PRKG1: variants seen among roughly 807,000 people sequenced by gnomAD.
PRKG1 encodes cGMP-dependent protein kinase 1.
In PRKG1, 35 loss-of-function variants were observed where a neutral mutation model predicts 88.1. The ratio of observed to expected loss-of-function variants is 0.40; its 90% CI spans 0.30 to 0.53. The LOEUF (loss-of-function observed/expected upper bound fraction) is 0.53. Ranked by LOEUF, PRKG1 falls within the 20% of genes least tolerant of loss-of-function variation. PRKG1 has a pLI of 0.59. For synonymous variants in PRKG1, 303 were observed against 292.5 expected (o/e 1.04, Z -0.37); for missense variants, 540 against 839.8 (o/e 0.64, Z 4.41).
At chr10:51,156,296 A>AGC (rs1564620843) in intron 2 of PRKG1, among the ~76,000 whole-genome samples, 4 of 49,060 alleles carry the variant, frequency 8.2e-5, no homozygotes, top group Non-Finnish European at 1.7e-4. Context: ...ATTTGATGCA[A>AGC]GCACACACAC....
chr10:52,207,068 A>C (rs964051939), intron 9 of PRKG1, among the ~76,000 whole-genome samples: 2 of 152,196 alleles, frequency 1.3e-5, no homozygotes, highest in African/African-American at 2.4e-5. Flanking sequence ...CACTTACCCC[A>C]GTAGTGGCAG....
intron 1 of PRKG1, among the ~76,000 whole-genome samples, chr10:51,078,648 G>T (rs578196213): frequency 6.8e-6 from 1 of 147,550 alleles, no homozygotes; most frequent in Non-Finnish European, 1.5e-5. Flanking sequence ...ACGGAGTCTC[G>T]CTCTATCGCC....
At chr10:51,450,578 T>C (rs1300472706) in intron 2 of PRKG1, among the ~76,000 whole-genome samples, 3 of 152,024 alleles carry the variant, frequency 2.0e-5, no homozygotes, top group Non-Finnish European at 4.4e-5. Context: ...TTCTCTCTCT[T>C]AGGCAAATTC....
intron 5 of PRKG1, among the ~76,000 whole-genome samples, chr10:51,980,691 A>G (rs142280761): frequency 8.5e-5 from 13 of 152,302 alleles, no homozygotes; most frequent in African/African-American, 3.1e-4. Context: ...TATATTTAGG[A>G]TAGTTAGGTC....
intron 2 of PRKG1, among the ~76,000 whole-genome samples, chr10:51,340,672 T>C (rs1182610443): frequency 2.6e-5 from 4 of 152,198 alleles, no homozygotes; most frequent in African/African-American, 9.6e-5. Flanking sequence ...CATCATTTCA[T>C]GAAAGCTATC....
intron 1 of PRKG1, among the ~76,000 whole-genome samples, chr10:51,082,696 T>G (rs1173257714): frequency 6.6e-6 from 1 of 151,482 alleles, no homozygotes; most frequent in African/African-American, 2.4e-5. Context: ...CTTTAAGCAC[T>G]AGGGGCCTGC....
chr10:51,972,635 T>C (rs993087618), intron 5 of PRKG1, among the ~76,000 whole-genome samples: 2 of 152,204 alleles, frequency 1.3e-5, no homozygotes, highest in African/African-American at 4.8e-5. Context: ...ATCTACATTT[T>C]CATCTGCTTT....
At chr10:51,752,078 A>G (rs141873009) in intron 3 of PRKG1, among the ~76,000 whole-genome samples, 542 of 152,268 alleles carry the variant, frequency 3.6e-3, no homozygotes, top group Non-Finnish European at 6.5e-3. Context: ...ACTCCCACAC[A>G]GTTTGGAATG....
intron 3 of PRKG1, among the ~76,000 whole-genome samples, chr10:51,627,081 A>G (rs1396362437): frequency 6.6e-6 from 1 of 152,184 alleles, no homozygotes; most frequent in African/African-American, 2.4e-5. Context: ...AAAAGGAAGC[A>G]AGGTAGGGCA....
At chr10:51,751,968 C>T (rs972301380) in intron 3 of PRKG1, among the ~76,000 whole-genome samples, 3 of 152,164 alleles carry the variant, frequency 2.0e-5, no homozygotes, top group Non-Finnish European at 2.9e-5. Flanking sequence ...TTATCTTTTA[C>T]GTGCATGCTG....
chr10:50,995,080 G>T (rs1315552946), intron 1 of PRKG1, among the ~76,000 whole-genome samples: 2 of 152,066 alleles, frequency 1.3e-5, no homozygotes, highest in Non-Finnish European at 2.9e-5. Context: ...GGATGACTCT[G>T]TAGGAATTTT....
chr10:52,253,982 A>C lies in PRKG1; in HGVS notation c.1173+2316A>C, dbSNP rs78913223. 9.8e-3 allele frequency among the ~76,000 whole-genome samples: 1,497 copies of C among 152,098 alleles called. 29 individuals carry two copies. The highest frequency in any genetic ancestry group is 0.034 in the African/African-American group (1,429 of 41,538). On this transcript the variant is annotated intron_variant, in intron 10 of 17. Transcript: ENST00000373980. ...AGTATTCAATGTGGACCAGCCACTT[A>C]AGTGATCACTAATACCTTATTTTCC...
chr10:51,159,553 CAAAT>C (rs907586280), intron 2 of PRKG1, among the ~76,000 whole-genome samples: 18 of 152,004 alleles, frequency 1.2e-4, no homozygotes, highest in Admixed American at 7.2e-4. Context: ...GAGGTTATCA[CAAAT>C]AAGGAGAGTC....
rs772039924 is a variant in PRKG1, at chr10:51,698,501, TCCA to T, written c.593-106082_593-106080del. On this transcript the variant is annotated intron_variant, in intron 3 of 17. Coordinates refer to ENST00000373980, the MANE Select transcript of PRKG1 (RefSeq NM_006258.4). ...GGGTGGACCCAGATAACCTCTGGGC[TCCA>T]CTTCTCCAGTGACTGAAAGCAAAGT... The T allele has an allele frequency of 8.7e-6, 14 of 1,613,980 alleles. No homozygotes were observed. The African/African-American group carries it at 1.9e-4, about 22-fold the overall frequency.
Position 51,972,725 on chromosome 10 carries a change from G to A in PRKG1, c.762+65155G>A, listed in dbSNP as rs76136713. 5.0e-3 allele frequency among the ~76,000 whole-genome samples: 754 copies of A among 152,090 alleles called. 8 individuals are homozygous for A. The highest frequency in any genetic ancestry group is 0.017 in the African/African-American group (720 of 41,500). ...CTGTCCCTTACTTCTAGTTACCCAA[G>A]GTAACTGTAGAGTATCAAACAGTTA... On this transcript the variant is annotated intron_variant, in intron 5 of 17. Transcript: ENST00000373980.
At chr10:51,744,475 G>A (rs1191413238) in intron 3 of PRKG1, among the ~76,000 whole-genome samples, 2 of 152,086 alleles carry the variant, frequency 1.3e-5, no homozygotes, top group East Asian at 1.9e-4. Flanking sequence ...GAAGACTAGG[G>A]CCCAGGACCA....
chr10:51,371,254 A>G (rs564544177), intron 2 of PRKG1, among the ~76,000 whole-genome samples: 16 of 151,948 alleles, frequency 1.1e-4, no homozygotes, highest in Non-Finnish European at 1.9e-4. Flanking sequence ...AATGATGATC[A>G]TGCCAGGAAT....
chr10:51,104,701 T>A (rs1380005387), intron 1 of PRKG1, among the ~76,000 whole-genome samples: 1 of 122,160 alleles, frequency 8.2e-6, no homozygotes, highest in African/African-American at 3.2e-5. Flanking sequence ...ATTTTTATTT[T>A]ATTTATTTAT....
At chr10:52,245,780 T>A (rs1015477722) in intron 9 of PRKG1, among the ~76,000 whole-genome samples, 2 of 149,072 alleles carry the variant, frequency 1.3e-5, no homozygotes, top group African/African-American at 5.0e-5. Flanking sequence ...TTTATTTATT[T>A]ATTTATTTAT....
Sources: allele counts gnomAD v4.1 joint callset (sites outside exome capture counted in the v4.1 genomes callset), GRCh38; gene constraint gnomAD v4.1.1; transcripts MANE v1.5; gene names NCBI Gene and HGNC (gene_info 2026-07-23, HGNC 2026-07-21).